Variants in ANXA6 observed in about 807,000 individuals in gnomAD.
ANXA6 encodes annexin A6.
Under a neutral mutation model 95.4 loss-of-function variants are expected in ANXA6, and 71 were observed. The ratio of observed to expected loss-of-function variants is 0.74; its 90% CI spans 0.61 to 0.91. ANXA6 has a LOEUF of 0.91. Ranked by LOEUF, ANXA6 falls within the 40% of genes least tolerant of loss-of-function variation. The pLI is 0.00. For missense variants in ANXA6, 830 were observed against 876.4 expected, an observed-to-expected ratio of 0.95 and a Z score of 0.67; for synonymous variants, 289 against 315.9, an observed-to-expected ratio of 0.91 and a Z score of 0.90.
intron 20 of ANXA6, among the ~76,000 whole-genome samples, chr5:151,116,574 C>T (rs1432047449): frequency 6.6e-6 from 1 of 152,232 alleles, no homozygotes; most frequent in Non-Finnish European, 1.5e-5. Context: ...CTTTTCCCTG[C>T]TATTCATTCA....
chr5:151,141,573 G>A lies in ANXA6; in HGVS notation c.19-1330C>T, dbSNP rs574542646. The A allele has an allele frequency of 4.2e-4, 411 of 985,460 alleles. 1 individual carries two copies. The highest frequency in any genetic ancestry group is 1.4e-3 in the African/African-American group (79 of 57,342). 61.0% of individuals were successfully genotyped at this position (985,460 alleles called of 1,614,324 possible). A position where few individuals can be genotyped will look rare whatever the true frequency, so the allele number is the denominator to read the frequency against. ...GGTGGAGCAGAGTGAGTCCTGGACC[G>A]CCTCCCCCTCTCCCCGTCTCCGTGC... is the stretch of plus-strand genomic sequence containing the variant. On this transcript the variant is annotated intron_variant, in intron 2 of 25. Transcript: ENST00000354546.
intron 22 of ANXA6, among the ~76,000 whole-genome samples, chr5:151,108,774 C>T (rs1764769089): frequency 6.6e-6 from 1 of 152,246 alleles, no homozygotes; most frequent in African/African-American, 2.4e-5. Flanking sequence ...TGTCCCACGC[C>T]AGTCCCCGTG....
rs1011986099 is a variant in ANXA6, at chr5:151,118,443, G to GT, written c.1439-607dup. ...CACTTAGCTAATTTTTTTGTTTTTT[G>GT]TTTTTTTTGAGATGGAGTCTCATTC... On this transcript the variant is annotated intron_variant, in intron 18 of 25. Coordinates refer to ENST00000354546, the MANE Select transcript of ANXA6 (RefSeq NM_001155.5). Among the ~76,000 whole-genome samples, 61 of 150,758 alleles carry GT rather than the reference G, an allele frequency of 4.0e-4. 1 individual carries two copies. The highest frequency in any genetic ancestry group is 1.9e-4 in the Non-Finnish European group (13 of 67,640).
chr5:151,136,444 C>T (rs1329612073), intron 6 of ANXA6, 109 bp from the exon 7 acceptor site: 1 of 1,030,640 alleles, frequency 9.7e-7, no homozygotes, highest in Non-Finnish European at 1.5e-6. Context: ...AATTCCAAAA[C>T]CCAGTCTACA....
Position 151,157,666 on chromosome 5 carries a change from C to G in ANXA6, c.-26+14G>C, listed in dbSNP as rs539405691. The G allele has an allele frequency of 6.5e-6, 1 of 152,848 alleles. No homozygotes were observed. The highest frequency in any genetic ancestry group is 1.5e-5 in the Non-Finnish European group (1 of 68,156). The allele number at this position is 152,848 out of a possible 1,614,324, so 9.5% of individuals were successfully genotyped here. On this transcript the variant is annotated intron_variant, in intron 1 of 25. Coordinates refer to ENST00000354546, the MANE Select transcript of ANXA6 (RefSeq NM_001155.5). ...TCCCAGAGCGACTCCCCTCTCCAGC[C>G]TCAGCCCACTCACCGCGCAGCGGAG...
At chr5:151,127,566 G>C (rs1765362438) in intron 13 of ANXA6, among the ~76,000 whole-genome samples, 1 of 152,166 alleles carries the variant, frequency 6.6e-6, no homozygotes, top group Non-Finnish European at 1.5e-5. Context: ...TCTTCACCTG[G>C]CTCTTCCCCT....
rs1765765413 is a variant in ANXA6, at chr5:151,139,431, G to A, written c.126C>T (p.Ala42=). 1.2e-6 allele frequency: 2 copies of A among 1,613,310 alleles called. No individual in the cohort carries two copies. The highest frequency in any genetic ancestry group is 1.7e-6 in the Non-Finnish European group (2 of 1,179,426). ...TCCGTGAGGTGATTATGTCCAGTATGGCCTCCTTGTCACTGCCTGGAATAG... is the reference window on the plus strand; with the variant it reads ...TCCGTGAGGTGATTATGTCCAGTATAGCCTCCTTGTCACTGCCTGGAATAG... The part of the protein sequence containing the change: ...AMKGFGSDKE[A]ILDIITSRSN... The change falls in exon 4 of 26, where the codon GCC becomes GCT. Residue 42 remains alanine, a synonymous_variant. Transcript: ENST00000354546.
chr5:151,110,135 T>C (rs1053624133), intron 21 of ANXA6, among the ~76,000 whole-genome samples: 12 of 152,094 alleles, frequency 7.9e-5, no homozygotes, highest in African/African-American at 2.9e-4. Flanking sequence ...AGGACCCACA[T>C]AGACTCTGAG....
chr5:151,109,812 G>A lies in ANXA6; in HGVS notation c.1625C>T (p.Ser542Phe), dbSNP rs547736664. ...IADTPSGDKTSLETRFMTILC... is the reference protein window; with the variant it reads ...IADTPSGDKTFLETRFMTILC... ...GATCGTCATGAAACGTGTCTCCAAG[G>A]AAGTTTTGTCTCCACTAGGTGTGTC... Residue 542 changes from serine to phenylalanine, a missense_variant, in exon 22 of 26, where the codon TCC becomes TTC. Ser to Phe is a radical substitution (Grantham distance 155). Transcript: ENST00000354546. The A allele has an allele frequency of 6.2e-7, 1 of 1,611,206 alleles. No homozygotes were observed. Among genetic ancestry groups the A allele is most frequent in the East Asian group, 2.2e-5 (1 of 44,796 alleles).
At chr5:151,119,961 C>A (rs945837863) in intron 17 of ANXA6, among the ~76,000 whole-genome samples, 25 of 152,244 alleles carry the variant, frequency 1.6e-4, no homozygotes, top group African/African-American at 5.8e-4. Flanking sequence ...CTCACTGCAA[C>A]CTCCGCCTCC....
intron 1 of ANXA6, among the ~76,000 whole-genome samples, chr5:151,148,368 C>A (rs1441951492): frequency 6.6e-6 from 1 of 152,148 alleles, no homozygotes; most frequent in Non-Finnish European, 1.5e-5. Context: ...TTTCTAGATC[C>A]CAGAGTCTAT....
At chr5:151,140,070 C>T (rs1326814683) in intron 3 of ANXA6, 83 bp downstream of exon 3, 8 of 1,237,066 alleles carry the variant, frequency 6.5e-6, no homozygotes, top group African/African-American at 1.5e-5. Context: ...TTTCACAGAC[C>T]CTACCACCAC....
At chr5:151,117,986 T>G (rs949680113) in intron 18 of ANXA6, 149 bp from the exon 19 acceptor site, 5 of 633,766 alleles carry the variant, frequency 7.9e-6, no homozygotes, top group East Asian at 5.8e-5. Context: ...CATGGGGGCA[T>G]CCAGCCATCC....
Position 151,136,352 on chromosome 5 carries a change from A to G in ANXA6, c.410-17T>C. ...GCTCGTAGGCTGCAGAAAGGAACGC[A>G]AGCTCTAGTCTCATCCCCAGAGACC... On this transcript the variant is annotated splice_polypyrimidine_tract_variant and intron_variant, in intron 6 of 25. Transcript: ENST00000354546. The G allele has an allele frequency of 6.2e-7, 1 of 1,613,626 alleles. No homozygotes were observed. Among genetic ancestry groups the G allele is most frequent in the Non-Finnish European group, 8.5e-7 (1 of 1,179,598 alleles).
At chr5:151,136,986 G>A (rs190911653) in intron 6 of ANXA6, among the ~76,000 whole-genome samples, 3 of 152,300 alleles carry the variant, frequency 2.0e-5, no homozygotes, top group Non-Finnish European at 4.4e-5. Context: ...TGTTTATTGT[G>A]TGTCTCCTTC....
At chr5:151,143,975 C>A (rs1463118593) in intron 2 of ANXA6, among the ~76,000 whole-genome samples, 2 of 152,124 alleles carry the variant, frequency 1.3e-5, no homozygotes, top group African/African-American at 4.8e-5. Flanking sequence ...AAGGGGCATT[C>A]GGGAAAGCCA....
At chr5:151,110,668 G>A (rs371183329) in intron 20 of ANXA6, 24 bp from the exon 21 acceptor site, 15 of 1,613,098 alleles carry the variant, frequency 9.3e-6, no homozygotes, top group African/African-American at 2.7e-5. Context: ...GGGGAGAGAG[G>A]AGGGAGAGAA....
intron 13 of ANXA6, among the ~76,000 whole-genome samples, chr5:151,127,454 T>A (rs913082269): frequency 2.0e-5 from 3 of 152,222 alleles, no homozygotes; most frequent in Non-Finnish European, 4.4e-5. Context: ...TAGTACTCCA[T>A]AAATGCATGA....
At chr5:151,120,705 C>A (rs927575984) in intron 17 of ANXA6, among the ~76,000 whole-genome samples, 2 of 151,810 alleles carry the variant, frequency 1.3e-5, no homozygotes, top group African/African-American at 4.8e-5. Context: ...GGCGAAAGAG[C>A]GAGACTCCGT....
Sources: allele counts gnomAD v4.1 joint callset (sites outside exome capture counted in the v4.1 genomes callset), GRCh38; gene constraint gnomAD v4.1.1; transcripts MANE v1.5; gene names NCBI Gene and HGNC (gene_info 2026-07-23, HGNC 2026-07-21).